The following TRMU variants were observed in gnomAD, a reference collection of about 807,000 sequenced individuals.
TRMU encodes the protein tRNA mitochondrial 2-thiouridylase, also known as mitochondrial tRNA-specific 2-thiouridylase 1.
A neutral mutation model predicts 46.9 loss-of-function variants in TRMU; 49 were observed. That is an observed-to-expected ratio of 1.05 (90% CI 0.83 to 1.33). TRMU has a LOEUF of 1.33. Ranked by LOEUF, TRMU falls within the 40% of genes most tolerant of loss-of-function variation. The pLI, the probability that TRMU is intolerant of heterozygous loss-of-function variation, is 0.00. For missense variants in TRMU, 572 were observed against 532.4 expected (o/e 1.07, Z -0.73); for synonymous variants, 241 against 200.9 (o/e 1.20, Z -1.69).
At chr22:46,340,770 G>A (rs1176226104) in intron 2 of TRMU, among the ~76,000 whole-genome samples, 2 of 152,110 alleles carry the variant, frequency 1.3e-5, no homozygotes, top group African/African-American at 4.8e-5. Flanking sequence ...GCGGAGCTGG[G>A]ATTAAAACCC....
chr22:46,345,423 C>T (rs1383676382), intron 3 of TRMU, among the ~76,000 whole-genome samples: 2 of 152,112 alleles, frequency 1.3e-5, no homozygotes, highest in Non-Finnish European at 2.9e-5. Context: ...TTCATATGCA[C>T]CTTGTTAGGC....
Position 46,356,687 on chromosome 22 carries a change from T to TCAG in TRMU, c.1102-137_1102-135dup, listed in dbSNP as rs112946940. ...GTGCCCCAGGCCTCTCCTCTCCTGT[T>TCAG]CAGCAGCAGCAGCAGCAGCAAAACC... On this transcript the variant is annotated intron_variant, in intron 10 of 10. Coordinates refer to ENST00000645190, the MANE Select transcript of TRMU (RefSeq NM_018006.5). 7.4e-4 allele frequency: 666 copies of TCAG among 896,706 alleles called. 1 individual carries two copies. Among genetic ancestry groups the TCAG allele is most frequent in the African/African-American group, 6.9e-3 (413 of 59,600 alleles). The allele number at this position is 896,706 out of a possible 1,614,324, so 55.5% of individuals were successfully genotyped here.
In TRMU at chr22:46,353,852, G is replaced by A. The variant is rs752253826; in HGVS notation, c.858G>A (p.Lys286=). 9 of 1,613,756 alleles carry A rather than the reference G, an allele frequency of 5.6e-6. No individual in the cohort carries two copies. Among genetic ancestry groups the A allele is most frequent in the Non-Finnish European group, 7.6e-6 (9 of 1,179,770 alleles). The change falls in exon 8 of 11, where the codon AAG becomes AAA. Residue 286 remains lysine, a synonymous_variant. Coordinates refer to ENST00000645190, the MANE Select transcript of TRMU (RefSeq NM_018006.5). ...PWYVVEKDSV[K]GDVFVAPRTD... is the part of the protein sequence containing the mutation. ...ACGTGGTGGAGAAGGACAGCGTCAA[G>A]GGTGACGTGTTTGTGGTGAGTGGGC...
chr22:46,352,818 G>A (rs2078474523), intron 7 of TRMU: 1 of 272,518 alleles, frequency 3.7e-6, no homozygotes, highest in South Asian at 4.3e-5. Flanking sequence ...GTGAGCCTGT[G>A]CTGTGCCTGG....
At position 46,348,663 on chromosome 22, in the gene TRMU, T is replaced by A. The variant is rs1032525482; in HGVS notation, c.479-1628T>A. Among the ~76,000 whole-genome samples the A allele has an allele frequency of 2.0e-5, 3 of 152,240 alleles. No homozygotes were observed. Among genetic ancestry groups the A allele is most frequent in the African/African-American group, 4.8e-5 (2 of 41,474 alleles). ...CCTCCTCCAAATGTTGTTCATTCCT[T>A]TCTGTGCTTTTTCCTCTATAGCAGT... On this transcript the variant is annotated intron_variant, in intron 4 of 10. Coordinates refer to ENST00000645190, the MANE Select transcript of TRMU (RefSeq NM_018006.5). This position sits in a 1 kb window ranked among gnomAD's most constrained non-coding sequence, Gnocchi z 4.8.
At position 46,346,490 on chromosome 22, in the gene TRMU, A is replaced by C; in HGVS notation, c.424A>C (p.Lys142Gln). 1 of 1,613,608 alleles carries C rather than the reference A, an allele frequency of 6.2e-7. No individual in the cohort carries two copies. The highest frequency in any genetic ancestry group is 8.5e-7 in the Non-Finnish European group (1 of 1,179,608). ...SLEDEEVFEQ[K>Q]HVKKPEGLFR... ...GGAAGATGAAGAAGTCTTTGAGCAG[A>C]AGCACGTTAAGAAGCCCGAAGGGCT... is the stretch of plus-strand genomic sequence containing the variant. The change falls in exon 4 of 11, where the codon AAG (lysine) becomes CAG (glutamine). Residue 142 changes from lysine to glutamine, a missense_variant. Physicochemically the swap from Lys to Gln is moderately conservative, Grantham distance 53. Transcript: ENST00000645190.
chr22:46,350,794 C>T lies in TRMU; in HGVS notation c.651+331C>T, dbSNP rs575292732. On this transcript the variant is annotated intron_variant, in intron 5 of 10. Coordinates refer to ENST00000645190, the MANE Select transcript of TRMU (RefSeq NM_018006.5). This position sits in a 1 kb window ranked among gnomAD's most constrained non-coding sequence, Gnocchi z 4.6. ...AGTGCCAGGCAGTGTGATGCAGCCC[C>T]GAGACCCCTGGAGGGGCAGGTGCTG... Among the ~76,000 whole-genome samples, 269 of 152,292 alleles carry T rather than the reference C, an allele frequency of 1.8e-3. No homozygotes were observed. Among genetic ancestry groups the T allele is most frequent in the African/African-American group, 5.5e-3 (229 of 41,562 alleles).
In TRMU at chr22:46,337,902, A is replaced by G. The variant is rs774292370; in HGVS notation, c.206A>G (p.His69Arg). The change falls in exon 2 of 11, where the codon CAT becomes CGT. Residue 69 changes from histidine (H) to arginine (R), a missense_variant. Coordinates refer to ENST00000645190, the MANE Select transcript of TRMU (RefSeq NM_018006.5). ...RVCQILDIPF[H>R]QVSYVKEYWN... The stretch of plus-strand genomic sequence containing the variant: ...TGCCAGATCTTAGACATCCCTTTCC[A>G]TCAAGTGTCCTACGTAAAGGAGTAT... 2 of 1,614,240 alleles carry G rather than the reference A, an allele frequency of 1.2e-6. No individual in the cohort carries two copies. The highest frequency in any genetic ancestry group is 2.2e-5 in the South Asian group (2 of 91,086).
intron 3 of TRMU, among the ~76,000 whole-genome samples, 170 bp downstream of exon 3, chr22:46,343,538 C>A (rs1483820882): frequency 6.6e-6 from 1 of 152,026 alleles, no homozygotes; most frequent in Non-Finnish European, 1.5e-5. Flanking sequence ...GGCATGCCAC[C>A]ATGGTGGCTA....
At position 46,347,201 on chromosome 22, in the gene TRMU, C is replaced by T. The variant is rs147382049; in HGVS notation, c.478+657C>T. ...GAGCCGTGTTTCCGCACGGAGCGTC[C>T]GTCCATCAGTGGGGACCCCTGAAGG... On this transcript the variant is annotated intron_variant, in intron 4 of 10. Coordinates refer to ENST00000645190, the MANE Select transcript of TRMU (RefSeq NM_018006.5). The surrounding 1 kb of genome is among the most constrained non-coding windows in gnomAD (Gnocchi z 5.0). Among the ~76,000 whole-genome samples, 6 of 152,248 alleles carry T rather than the reference C, an allele frequency of 3.9e-5. No individual in the cohort carries two copies. Among genetic ancestry groups the T allele is most frequent in the South Asian group, 4.1e-4 (2 of 4,820 alleles).
At position 46,350,391 on chromosome 22, in the gene TRMU, G is replaced by T. The variant is rs1294405938; in HGVS notation, c.579G>T (p.Gly193=). Residue 193 remains glycine (G), a synonymous_variant, in exon 5 of 11, where the codon GGG becomes GGT. Transcript: ENST00000645190. This position sits in a 1 kb window ranked among gnomAD's most constrained non-coding sequence, Gnocchi z 4.6. ...DALRRTIFPL[G]GLTKEFVKKI... is the part of the protein sequence containing the mutation. ...TGAGGAGAACCATCTTCCCTCTGGG[G>T]GGATTAACGAAAGAGTTTGTAAAGA... 1.9e-6 allele frequency: 3 copies of T among 1,614,060 alleles called. No homozygotes were observed. In the Admixed American group the frequency reaches 5.0e-5, roughly 27 times the overall value.
Position 46,342,490 on chromosome 22 carries a change from C to T in TRMU, c.249-772C>T, listed in dbSNP as rs999073819. On this transcript the variant is annotated intron_variant, in intron 2 of 10. Transcript: ENST00000645190. This position sits in a 1 kb window ranked among gnomAD's most constrained non-coding sequence, Gnocchi z 4.7. ...GGCTTCATGACATCGCCATTCCTTC[C>T]CCCAGGATATACAGTGGGACTGTGT... 6.6e-6 allele frequency among the ~76,000 whole-genome samples: 1 copy of T among 152,114 alleles called. No individual in the cohort carries two copies. Among genetic ancestry groups the T allele is most frequent in the Non-Finnish European group, 1.5e-5 (1 of 68,018 alleles).
At position 46,352,108 on chromosome 22, in the gene TRMU, C is replaced by A. The variant is rs1337635568; in HGVS notation, c.652-13C>A. On this transcript the variant is annotated splice_polypyrimidine_tract_variant and intron_variant, in intron 5 of 10. Transcript: ENST00000645190. ...CTTCTGCTCCTCTCACGGCTGCCGT[C>A]TTCTCATTTCAGAGCATGGGCATGT... The A allele has an allele frequency of 6.2e-7, 1 of 1,612,594 alleles. No homozygotes were observed.
At position 46,350,549 on chromosome 22, in the gene TRMU, A is replaced by G. The variant is rs2078388752; in HGVS notation, c.651+86A>G. ...GAGCAGCTGGACCTGTGGGTCCCGC[A>G]CCACTTCCCCTTCTCCAGGACCTAA... On this transcript the variant is annotated intron_variant, in intron 5 of 10. Coordinates refer to ENST00000645190, the MANE Select transcript of TRMU (RefSeq NM_018006.5). The surrounding 1 kb of genome is among the most constrained non-coding windows in gnomAD (Gnocchi z 4.6). 6.6e-7 allele frequency: 1 copy of G among 1,513,134 alleles called. No individual in the cohort carries two copies. The allele number at this position is 1,513,134 out of a possible 1,614,324, so 93.7% of individuals were successfully genotyped here. A position where few individuals can be genotyped will look rare whatever the true frequency, so the allele number is the denominator to read the frequency against.
rs1041200783 is a variant in TRMU, at chr22:46,350,960, C to T, written c.651+497C>T. Among the ~76,000 whole-genome samples the T allele has an allele frequency of 5.9e-5, 9 of 152,358 alleles. No homozygotes were observed. The highest frequency in any genetic ancestry group is 3.9e-4 in the East Asian group (2 of 5,186). ...CAGTTCCATCTTCGCCTCCATGGAGCCCGCCCGCGAGTGGGGGACACAGGC... is the reference window on the plus strand; with the variant it reads ...CAGTTCCATCTTCGCCTCCATGGAGTCCGCCCGCGAGTGGGGGACACAGGC... On this transcript the variant is annotated intron_variant, in intron 5 of 10. Transcript: ENST00000645190. The surrounding 1 kb of genome is among the most constrained non-coding windows in gnomAD (Gnocchi z 4.6).
intron 10 of TRMU, 25 bp downstream of exon 10, chr22:46,356,097 C>T (rs374639034): frequency 7.7e-5 from 125 of 1,613,040 alleles, no homozygotes; most frequent in African/African-American, 1.5e-4. Context: ...GGGGTGAGCC[C>T]GGGGAGGACT....
intron 1 of TRMU, 82 bp downstream of exon 1, chr22:46,335,928 G>A (rs1446517481): frequency 6.6e-6 from 10 of 1,512,990 alleles, no homozygotes; most frequent in African/African-American, 1.4e-5. Flanking sequence ...CGTTGTGCAC[G>A]TCTCCTCCCT....
rs962419371 is a variant in TRMU at position 46,348,270 on chromosome 22, G to T, written c.478+1726G>T. 2.0e-5 allele frequency among the ~76,000 whole-genome samples: 3 copies of T among 152,230 alleles called. No individual in the cohort carries two copies. Among genetic ancestry groups the T allele is most frequent in the African/African-American group, 7.2e-5 (3 of 41,460 alleles). On this transcript the variant is annotated intron_variant, in intron 4 of 10. Transcript: ENST00000645190. This position sits in a 1 kb window ranked among gnomAD's most constrained non-coding sequence, Gnocchi z 4.8. ...CTCCTAGAACACTGTGTGCCCTGCA[G>T]AGCCATCGACCTTTATTATAGGCCA...
chr22:46,357,024 G>C lies in TRMU; in HGVS notation c.*18G>C. On this transcript the variant is annotated 3_prime_UTR_variant, in exon 11 of 11. Transcript: ENST00000645190. ...TGCTCTGACAGAGATGGATCTGCTA[G>C]AAGGAACCTGGAGAGCAGGACCCAT... 1.2e-6 allele frequency: 2 copies of C among 1,613,252 alleles called. No individual in the cohort carries two copies. Among genetic ancestry groups the C allele is most frequent in the Non-Finnish European group, 8.5e-7 (1 of 1,179,982 alleles).
Sources: allele counts gnomAD v4.1 joint callset (sites outside exome capture counted in the v4.1 genomes callset), GRCh38; gene constraint gnomAD v4.1.1; non-coding constraint Gnocchi (gnomAD v3.1); transcripts MANE v1.5; gene names NCBI Gene and HGNC (gene_info 2026-07-23, HGNC 2026-07-21).